Variants in DEPTOR observed in about 807,000 individuals in gnomAD.
DEPTOR encodes the protein DEP domain-containing mTOR-interacting protein.
A neutral mutation model predicts 41.6 loss-of-function variants in DEPTOR; 41 were observed. The ratio of observed to expected loss-of-function variants is 0.98; its 90% CI spans 0.77 to 1.28. DEPTOR has a LOEUF of 1.28. Among genes scored for constraint, DEPTOR ranks in the 50% most tolerant of loss-of-function variants. The probability of loss-of-function intolerance (pLI) is 0.00; values close to 1 mark genes in which losing one functional copy is unlikely to be tolerated. For missense variants in DEPTOR, 514 were observed against 527.9 expected (o/e 0.97, Z 0.26); for synonymous variants, 195 against 192.3 (o/e 1.01, Z -0.12).
At chr8:120,003,176 A>G in intron 6 of DEPTOR, 65 bp downstream of exon 6, 1 of 1,581,354 alleles carries the variant, frequency 6.3e-7, no homozygotes. Flanking sequence ...CCTGGGAAGC[A>G]GAATCTGAGA....
At chr8:119,892,786 A>T (rs1263160932) in intron 1 of DEPTOR, among the ~76,000 whole-genome samples, 1 of 147,156 alleles carries the variant, frequency 6.8e-6, no homozygotes, top group Non-Finnish European at 1.5e-5. Flanking sequence ...CTTTATTATA[A>T]TTTTTTTTTT....
chr8:119,995,951 G>A (rs891517116), intron 4 of DEPTOR, among the ~76,000 whole-genome samples: 2 of 152,150 alleles, frequency 1.3e-5, no homozygotes, highest in African/African-American at 4.8e-5. Context: ...CAAAGCAAAT[G>A]TGTGAAACTC....
At chr8:119,982,215 G>A (rs1179642794) in intron 4 of DEPTOR, among the ~76,000 whole-genome samples, 2 of 152,022 alleles carry the variant, frequency 1.3e-5, no homozygotes, top group Non-Finnish European at 2.9e-5. Flanking sequence ...CTCTTCCACA[G>A]ATGGAAAAAT....
intron 1 of DEPTOR, among the ~76,000 whole-genome samples, chr8:119,912,656 G>T (rs1051311778): frequency 6.6e-6 from 1 of 152,172 alleles, no homozygotes; most frequent in Non-Finnish European, 1.5e-5. Context: ...GAAAATAGAT[G>T]ATCATAACCC....
At chr8:119,975,055 C>T (rs80137118) in intron 4 of DEPTOR, among the ~76,000 whole-genome samples, 8,824 of 151,796 alleles carry the variant, frequency 0.058, 305 homozygotes, top group South Asian at 0.17. Context: ...AATCCTAACA[C>T]TTTTAGAGGC....
rs1171655489 is a variant in DEPTOR at position 120,030,497 on chromosome 8, G to GT, written c.1102-19051dup. Among the ~76,000 whole-genome samples the GT allele has an allele frequency of 3.1e-3, 143 of 46,204 alleles. 15 individuals are homozygous for GT. The highest frequency in any genetic ancestry group is 0.015 in the South Asian group (12 of 822). 30.3% of individuals were successfully genotyped at this position (46,204 alleles called of 152,430 possible). On this transcript the variant is annotated intron_variant, in intron 8 of 8. Coordinates refer to ENST00000286234, the MANE Select transcript of DEPTOR (RefSeq NM_022783.4). The stretch of plus-strand genomic sequence containing the variant: ...AATGATGTATTGTGTAGGTTCATCA[G>GT]TTTTTTTTTTTTTTTTTTTTTTTTT...
Position 120,002,915 on chromosome 8 carries a change from A to G in DEPTOR, c.791-62A>G, listed in dbSNP as rs1812376227. On this transcript the variant is annotated intron_variant, in intron 5 of 8. Transcript: ENST00000286234. The stretch of plus-strand genomic sequence containing the variant: ...CTCTGGACCTTGCAGTTGAAAGCCT[A>G]TGTGCTCTAGTGAGCCGAGACCACC... 7 of 1,523,752 alleles carry G rather than the reference A, an allele frequency of 4.6e-6. No homozygotes were observed. The East Asian group carries it at 1.2e-4, about 27-fold the overall frequency. The allele number at this position is 1,523,752 out of a possible 1,614,324, so 94.4% of individuals were successfully genotyped here. A position where few individuals can be genotyped will look rare whatever the true frequency, so the allele number is the denominator to read the frequency against.
At chr8:119,984,971 G>A (rs1440056811) in intron 4 of DEPTOR, among the ~76,000 whole-genome samples, 9 of 152,176 alleles carry the variant, frequency 5.9e-5, no homozygotes, top group Non-Finnish European at 1.2e-4. Context: ...CGGATCATGA[G>A]GTCAGGAGTT....
At chr8:119,927,590 T>TTA (rs958439568) in intron 1 of DEPTOR, among the ~76,000 whole-genome samples, 12 of 146,952 alleles carry the variant, frequency 8.2e-5, no homozygotes, top group East Asian at 2.0e-4. Flanking sequence ...TACATATATA[T>TTA]TATATATATA....
intron 3 of DEPTOR, among the ~76,000 whole-genome samples, chr8:119,954,463 A>G (rs1828392554): frequency 6.6e-6 from 1 of 152,082 alleles, no homozygotes; most frequent in African/African-American, 2.4e-5. Flanking sequence ...TTTTAAAAAT[A>G]ATTGATCATA....
intron 3 of DEPTOR, among the ~76,000 whole-genome samples, chr8:119,959,488 T>A (rs1828461786): frequency 6.6e-6 from 1 of 151,626 alleles, no homozygotes; most frequent in Non-Finnish European, 1.5e-5. Context: ...AAGCATGGAT[T>A]AAAGTGCAGA....
At chr8:119,928,890 T>G (rs1828004208) in intron 2 of DEPTOR, among the ~76,000 whole-genome samples, 1 of 152,112 alleles carries the variant, frequency 6.6e-6, no homozygotes, top group Non-Finnish European at 1.5e-5. Context: ...TGTGTCCAGC[T>G]GGCATTTGGG....
chr8:119,916,871 T>G (rs979632185), intron 1 of DEPTOR, among the ~76,000 whole-genome samples: 15 of 152,324 alleles, frequency 9.8e-5, no homozygotes, highest in South Asian at 6.2e-4. Flanking sequence ...TGGTCGGTTG[T>G]TTGTTTAAGA....
At chr8:120,008,731 A>C (rs777987836) in intron 7 of DEPTOR, among the ~76,000 whole-genome samples, 2 of 152,184 alleles carry the variant, frequency 1.3e-5, no homozygotes, top group African/African-American at 4.8e-5. Context: ...GGAGTCTGAC[A>C]TTAAATTGTA....
chr8:119,917,898 G>T (rs566150177), intron 1 of DEPTOR, among the ~76,000 whole-genome samples: 20 of 152,320 alleles, frequency 1.3e-4, no homozygotes, highest in African/African-American at 4.3e-4. Flanking sequence ...GGAACATGCG[G>T]GCAGCAATAC....
In DEPTOR at chr8:119,966,920, G is replaced by A. The variant is rs575376199; in HGVS notation, c.604+1510G>A. Among the ~76,000 whole-genome samples the A allele has an allele frequency of 8.5e-5, 13 of 152,260 alleles. No homozygotes were observed. In the South Asian group the frequency reaches 2.7e-3, roughly 32 times the overall value. On this transcript the variant is annotated intron_variant, in intron 4 of 8. Coordinates refer to ENST00000286234, the MANE Select transcript of DEPTOR (RefSeq NM_022783.4). ...AGTATGGACAGTTATGTAGAAATAT[G>A]ATTGGACAAAAAGGGTATGATCTAA... is the stretch of plus-strand genomic sequence containing the variant.
intron 1 of DEPTOR, among the ~76,000 whole-genome samples, chr8:119,914,251 AG>A (rs1827783838): frequency 6.6e-6 from 1 of 151,670 alleles, no homozygotes; most frequent in African/African-American, 2.4e-5. Context: ...CATGTTGCCC[AG>A]GCTGGTCTCA....
At chr8:120,047,721 G>A (rs1334563464) in intron 8 of DEPTOR, among the ~76,000 whole-genome samples, 1 of 151,766 alleles carries the variant, frequency 6.6e-6, no homozygotes, top group Admixed American at 6.6e-5. Flanking sequence ...CAAACATGAT[G>A]TGTGACAGAG....
At chr8:119,987,874 A>G (rs1400819435) in intron 4 of DEPTOR, among the ~76,000 whole-genome samples, 3 of 152,174 alleles carry the variant, frequency 2.0e-5, no homozygotes, top group Non-Finnish European at 4.4e-5. Context: ...CCCCCCACCA[A>G]GCTCGAGTGT....
Sources: allele counts gnomAD v4.1 joint callset (sites outside exome capture counted in the v4.1 genomes callset), GRCh38; gene constraint gnomAD v4.1.1; transcripts MANE v1.5; gene names NCBI Gene and HGNC (gene_info 2026-07-23, HGNC 2026-07-21).